CSMD1: variants seen among roughly 807,000 people sequenced by gnomAD.
CSMD1 encodes CUB and Sushi multiple domains 1, also known as CUB and sushi domain-containing protein 1.
A neutral mutation model predicts 417.5 loss-of-function variants in CSMD1; 213 were observed. That is an observed-to-expected ratio of 0.51 (90% CI 0.46 to 0.57). The LOEUF (loss-of-function observed/expected upper bound fraction) is 0.57. CSMD1 is among the 20% of genes least tolerant of loss of function. The pLI, the probability that CSMD1 is intolerant of heterozygous loss-of-function variation, is 0.00. For missense variants in CSMD1, 6,923 were observed against 4,529.7 expected (o/e 1.53, Z -15.17); for synonymous variants, 2,862 against 1,736.8 (o/e 1.65, Z -16.11).
chr8:3,740,849 G>C (rs562880207), intron 6 of CSMD1, among the ~76,000 whole-genome samples: 24 of 152,232 alleles, frequency 1.6e-4, no homozygotes, highest in African/African-American at 5.5e-4. Flanking sequence ...GTGGAGGAGA[G>C]TATAGCAGAG....
chr8:3,396,478 C>T (rs746460605), intron 16 of CSMD1, 97 bp from the exon 17 acceptor site: 6 of 767,652 alleles, frequency 7.8e-6, no homozygotes, highest in African/African-American at 1.8e-5. Flanking sequence ...AACCCATGTA[C>T]GTTAACATGA....
chr8:4,417,110 T>G (rs1796982689), intron 3 of CSMD1, among the ~76,000 whole-genome samples: 1 of 152,088 alleles, frequency 6.6e-6, no homozygotes, highest in South Asian at 2.1e-4. Flanking sequence ...AATGTGTTAA[T>G]TTGAATATAT....
intron 5 of CSMD1, among the ~76,000 whole-genome samples, chr8:3,820,365 G>A (rs577024313): frequency 6.6e-6 from 1 of 152,256 alleles, no homozygotes; most frequent in East Asian, 1.9e-4. Flanking sequence ...GATATATGGT[G>A]TTTGAACTGA....
chr8:4,431,865 T>C (rs1378353400), intron 2 of CSMD1, among the ~76,000 whole-genome samples: 1 of 152,184 alleles, frequency 6.6e-6, no homozygotes, highest in Non-Finnish European at 1.5e-5. Flanking sequence ...CTTGGTGGAA[T>C]AAAATTTATT....
chr8:3,807,005 T>G (rs1353330742), intron 5 of CSMD1, among the ~76,000 whole-genome samples: 1 of 152,182 alleles, frequency 6.6e-6, no homozygotes, highest in African/African-American at 2.4e-5. Context: ...TAAAACTGGC[T>G]AGAGGGCTAG....
intron 10 of CSMD1, among the ~76,000 whole-genome samples, chr8:3,500,177 G>C (rs1041966452): frequency 6.6e-6 from 1 of 152,114 alleles, no homozygotes; most frequent in Non-Finnish European, 1.5e-5. Flanking sequence ...GCCTTAGAGG[G>C]TCTTCTTTAC....
intron 4 of CSMD1, among the ~76,000 whole-genome samples, chr8:4,028,504 A>C (rs890270220): frequency 6.6e-6 from 1 of 151,942 alleles, no homozygotes; most frequent in Admixed American, 6.6e-5. Context: ...TTTTACAAAA[A>C]AAGGAAAAAA....
At chr8:4,355,859 G>A (rs551055708) in intron 3 of CSMD1, among the ~76,000 whole-genome samples, 1 of 152,346 alleles carries the variant, frequency 6.6e-6, no homozygotes, top group South Asian at 2.1e-4. Context: ...AGCTTTGGAG[G>A]ATGGGAACCA....
chr8:4,477,775 G>A (rs565403715), intron 2 of CSMD1, among the ~76,000 whole-genome samples: 1 of 152,280 alleles, frequency 6.6e-6, no homozygotes, highest in South Asian at 2.1e-4. Context: ...TGTATTTTAA[G>A]TGAGAACTTT....
At chr8:4,270,690 C>T (rs574981470) in intron 3 of CSMD1, among the ~76,000 whole-genome samples, 1 of 152,146 alleles carries the variant, frequency 6.6e-6, no homozygotes, top group African/African-American at 2.4e-5. Context: ...CTACTAAAAC[C>T]GTCTGATCCT....
At chr8:4,670,516 G>C (rs1270205530) in intron 1 of CSMD1, among the ~76,000 whole-genome samples, 1 of 152,116 alleles carries the variant, frequency 6.6e-6, no homozygotes, top group Admixed American at 6.6e-5. Context: ...AATTAAAAGT[G>C]CTAACTGCAA....
chr8:3,603,503 G>C (rs1423003368), intron 8 of CSMD1, among the ~76,000 whole-genome samples: 3 of 152,160 alleles, frequency 2.0e-5, no homozygotes, highest in Middle Eastern at 3.4e-3. Context: ...TTCTCCACTA[G>C]ACAAGAGAGT....
chr8:4,377,092 C>T (rs1488535640), intron 3 of CSMD1, among the ~76,000 whole-genome samples: 1 of 152,162 alleles, frequency 6.6e-6, no homozygotes, highest in Admixed American at 6.5e-5. Flanking sequence ...CATTTCATTC[C>T]TCTTTCTTCT....
chr8:3,261,583 T>G (rs918248684), intron 26 of CSMD1, among the ~76,000 whole-genome samples: 3 of 152,074 alleles, frequency 2.0e-5, no homozygotes, highest in African/African-American at 7.2e-5. Context: ...GGAGTCCCAA[T>G]CTGGAAATTA....
intron 5 of CSMD1, among the ~76,000 whole-genome samples, chr8:3,909,267 T>A (rs907380339): frequency 6.6e-6 from 1 of 152,044 alleles, no homozygotes; most frequent in African/African-American, 2.4e-5. Flanking sequence ...AAGGTGTCAG[T>A]GTTGAGGCAC....
rs539039607 is a variant in CSMD1, at chr8:3,493,631, G to A, written c.1440C>T (p.Val480=). Residue 480 remains valine (V), a synonymous_variant, in exon 11 of 70, where the codon GTC becomes GTT. Transcript: ENST00000635120. ...CTCAAGGACATACTCACACGTACAA[G>A]ACCGATCTGGTGTCTCCCACCTTCC... is the stretch of plus-strand genomic sequence containing the variant. The part of the protein sequence containing the change: ...DAGKVGDTRS[V]LYVLTGSSVP... 1 of 1,609,092 alleles carries A rather than the reference G, an allele frequency of 6.2e-7. No individual in the cohort carries two copies. Among genetic ancestry groups the A allele is most frequent in the East Asian group, 2.2e-5 (1 of 44,698 alleles).
intron 37 of CSMD1, among the ~76,000 whole-genome samples, chr8:3,163,532 G>T (rs1331644031): frequency 6.6e-6 from 1 of 151,898 alleles, no homozygotes; most frequent in Non-Finnish European, 1.5e-5. Flanking sequence ...CCCACGCGGG[G>T]CTCTGCCCTG....
Position 4,646,083 on chromosome 8 carries a change from G to C in CSMD1, c.86-8525C>G, listed in dbSNP as rs185834043. Reference sequence around the variant, plus strand: ...CTGAAACAGGTGACAATCTAAACCTGAGTCTTCGCTTCAGAGACTTCGAGC... The same window carrying C: ...CTGAAACAGGTGACAATCTAAACCTCAGTCTTCGCTTCAGAGACTTCGAGC... On this transcript the variant is annotated intron_variant, in intron 1 of 69. Transcript: ENST00000635120. 1.6e-3 allele frequency among the ~76,000 whole-genome samples: 246 copies of C among 152,294 alleles called. 3 individuals are homozygous for C. Among genetic ancestry groups the C allele is most frequent in the African/African-American group, 5.7e-3 (239 of 41,566 alleles).
intron 5 of CSMD1, among the ~76,000 whole-genome samples, chr8:3,829,857 C>T (rs1563122747): frequency 1.3e-5 from 2 of 152,196 alleles, no homozygotes; most frequent in East Asian, 1.9e-4. Flanking sequence ...GAATATTAAT[C>T]CGCTTAGAAA....
Sources: gnomAD v4.1 joint callset for allele counts (sites outside exome capture counted in the v4.1 genomes callset) on GRCh38, gnomAD v4.1.1 for gene constraint, MANE v1.5 for transcripts, NCBI Gene and HGNC (gene_info 2026-07-23, HGNC 2026-07-21) for gene names.